Variants in ARID1B observed in about 807,000 individuals in gnomAD.
ARID1B encodes AT-rich interaction domain 1B.
ARID1B carries 30 observed loss-of-function variants against 212.3 expected under a neutral mutation model. The observed-to-expected ratio is 0.14, with a 90% CI of 0.11 to 0.19. The LOEUF (loss-of-function observed/expected upper bound fraction) is 0.19, where lower values mean the gene tolerates loss of function less well. Among genes scored for constraint, ARID1B ranks in the 10% least tolerant of loss-of-function variants. The probability of loss-of-function intolerance (pLI) is 1.00; values close to 1 mark genes in which losing one functional copy is unlikely to be tolerated. For synonymous variants in ARID1B, 1,402 were observed against 1,301.7 expected (o/e 1.08, Z -1.66); for missense variants, 2,891 against 3,204.0 (o/e 0.90, Z 2.36).
At chr6:156,776,237 T>C (rs1475089455), upstream of ARID1B, 1 of 152,150 alleles carries the variant, frequency 6.6e-6, no homozygotes, top group African/African-American at 2.4e-5. Context: ...TTTTAAAATG[T>C]TACTAGGGGA....
intron 2 of ARID1B, chr6:156,871,710 G>A (rs1786149535): frequency 1.3e-6 from 2 of 1,579,750 alleles, no homozygotes; most frequent in South Asian, 1.1e-5. Flanking sequence ...GCATATGACA[G>A]TGGGGGCAGC....
intron 4 of ARID1B, chr6:156,941,128 A>G (rs907474834): frequency 1.3e-5 from 2 of 152,230 alleles, no homozygotes; most frequent in Non-Finnish European, 1.5e-5. Context: ...CTCAGTGTTC[A>G]GGCATGGATG....
At chr6:156,843,402 G>T (rs1054231329) in intron 2 of ARID1B, among the ~76,000 whole-genome samples, 1 of 152,168 alleles carries the variant, frequency 6.6e-6, no homozygotes, top group South Asian at 2.1e-4. Context: ...TATTTTCAAT[G>T]TCTACAGTTG....
intron 5 of ARID1B, among the ~76,000 whole-genome samples, chr6:157,103,705 A>C (rs1206350151): frequency 6.6e-6 from 1 of 152,170 alleles, no homozygotes; most frequent in Non-Finnish European, 1.5e-5. Context: ...AAATTCTCCC[A>C]AAACTTCTCC....
chr6:156,798,169 C>T (rs1329234231), intron 1 of ARID1B, among the ~76,000 whole-genome samples: 3 of 152,152 alleles, frequency 2.0e-5, no homozygotes, highest in Non-Finnish European at 4.4e-5. Context: ...GAGGGTGGAG[C>T]GCCTGCGCCT....
rs960356321 is a variant in ARID1B at position 157,148,508 on chromosome 6, A to G, written c.2762-116A>G. On this transcript the variant is annotated intron_variant, in intron 7 of 19. Transcript: ENST00000636930. This position sits in a 1 kb window ranked among gnomAD's most constrained non-coding sequence, Gnocchi z 5.6. ...GCACCAGCAGCAACAGGAAGGGCCT[A>G]TAACGGTCATGACTAATACTCCGTG... 38 of 1,159,538 alleles carry G rather than the reference A, an allele frequency of 3.3e-5. No individual in the cohort carries two copies. Among genetic ancestry groups the G allele is most frequent in the Non-Finnish European group, 4.4e-5 (37 of 832,868 alleles). 71.8% of individuals were successfully genotyped at this position (1,159,538 alleles called of 1,614,324 possible).
chr6:157,026,479 A>G (rs1780677574), intron 4 of ARID1B, among the ~76,000 whole-genome samples: 1 of 152,072 alleles, frequency 6.6e-6, no homozygotes. Flanking sequence ...GATCAAGAGC[A>G]CTTGGTCTAG....
intron 4 of ARID1B, among the ~76,000 whole-genome samples, chr6:157,008,279 A>T (rs79905754): frequency 0.027 from 4,072 of 152,306 alleles, 260 homozygotes; most frequent in East Asian, 0.25. Flanking sequence ...AAGTCTTTTC[A>T]TCATTCCAGA....
At chr6:157,063,685 T>G (rs1258590628) in intron 4 of ARID1B, among the ~76,000 whole-genome samples, 1 of 152,236 alleles carries the variant, frequency 6.6e-6, no homozygotes, top group Non-Finnish European at 1.5e-5. Context: ...TTCTCAATTT[T>G]ATTGTTATGT....
At chr6:156,839,985 C>T (rs972388860) in intron 2 of ARID1B, among the ~76,000 whole-genome samples, 3 of 152,228 alleles carry the variant, frequency 2.0e-5, no homozygotes, top group Non-Finnish European at 2.9e-5. Context: ...TTCTAAATTT[C>T]GGAGGCAGAA....
intron 7 of ARID1B, among the ~76,000 whole-genome samples, chr6:157,138,490 G>T (rs574988136): frequency 1.3e-4 from 20 of 151,988 alleles, no homozygotes; most frequent in African/African-American, 4.8e-4. Flanking sequence ...CACCCACCTC[G>T]GCCTCCCAAA....
chr6:156,904,539 C>T (rs753755221), intron 3 of ARID1B, among the ~76,000 whole-genome samples: 15 of 152,184 alleles, frequency 9.9e-5, no homozygotes, highest in South Asian at 4.1e-4. Flanking sequence ...ATCTGCATTC[C>T]CAGTGGGTAT....
chr6:157,200,614 T>C lies in ARID1B; in HGVS notation c.4480-91T>C. 1 of 1,408,836 alleles carries C rather than the reference T, an allele frequency of 7.1e-7. No homozygotes were observed. The highest frequency in any genetic ancestry group is 1.4e-5 in the South Asian group (1 of 71,924). 87.3% of individuals were successfully genotyped at this position (1,408,836 alleles called of 1,614,324 possible). A position where few individuals can be genotyped will look rare whatever the true frequency, so the allele number is the denominator to read the frequency against. ...CCCATATTCATTTTGAAATGAACAT[T>C]CTAGCAGGTAATAACTATTTTGCAT... On this transcript the variant is annotated intron_variant, in intron 17 of 19. Transcript: ENST00000636930. This position sits in a 1 kb window ranked among gnomAD's most constrained non-coding sequence, Gnocchi z 4.3.
At chr6:156,990,859 A>G (rs957918036) in intron 4 of ARID1B, among the ~76,000 whole-genome samples, 2 of 152,208 alleles carry the variant, frequency 1.3e-5, no homozygotes, top group Admixed American at 6.5e-5. Context: ...GCATTTACTA[A>G]CAAATTAAGT....
Position 157,201,415 on chromosome 6 carries a change from C to G in ARID1B, c.5190C>G (p.Thr1730=). The G allele has an allele frequency of 6.3e-7, 1 of 1,574,976 alleles. No homozygotes were observed. The highest frequency in any genetic ancestry group is 8.6e-7 in the Non-Finnish European group (1 of 1,156,862). The change falls in exon 18 of 20, where the codon ACC becomes ACG. Residue 1730 remains threonine (T), a synonymous_variant. Coordinates refer to ENST00000636930, the MANE Select transcript of ARID1B (RefSeq NM_001374828.1). The surrounding 1 kb of genome is among the most constrained non-coding windows in gnomAD (Gnocchi z 5.2). ...CACCCCCAATCAGAAGGGAGATCACCTTTCCTCCTGGCTCAGTAGAAGCAT... is the reference window on the plus strand; with the variant it reads ...CACCCCCAATCAGAAGGGAGATCACGTTTCCTCCTGGCTCAGTAGAAGCAT... ...PQPPPIRREI[T]FPPGSVEASQ...
At chr6:157,117,219 A>G (rs1029740695) in intron 6 of ARID1B, among the ~76,000 whole-genome samples, 1 of 152,220 alleles carries the variant, frequency 6.6e-6, no homozygotes, top group African/African-American at 2.4e-5. Context: ...AAATTTCTAT[A>G]CTTCAAAAGT....
In ARID1B at chr6:157,148,771, C is replaced by T. The variant is rs1057521656; in HGVS notation, c.2909C>T (p.Pro970Leu). 2 of 1,613,120 alleles carry T rather than the reference C, an allele frequency of 1.2e-6. No individual in the cohort carries two copies. The highest frequency in any genetic ancestry group is 1.7e-5 in the Admixed American group (1 of 60,012). Residue 970 changes from proline (P) to leucine (L), a missense_variant, in exon 8 of 20, where the codon CCA (proline) becomes CTA (leucine). Pro to Leu is a moderately conservative substitution (Grantham distance 98). Transcript: ENST00000636930. This position sits in a 1 kb window ranked among gnomAD's most constrained non-coding sequence, Gnocchi z 5.6. ...GGTGCTGTGCCCCTGGGACGAATGC[C>T]ATCAGCTGGGATGCAGAACAGACCA... ...PCGAVPLGRM[P>L]SAGMQNRPFP...
chr6:157,198,660 C>T, intron 16 of ARID1B, 151 bp from the exon 17 acceptor site: 3 of 597,736 alleles, frequency 5.0e-6, no homozygotes, highest in South Asian at 4.7e-5. Context: ...TGGCGTGCAG[C>T]TGCCTCTCAG....
intron 4 of ARID1B, among the ~76,000 whole-genome samples, chr6:157,084,139 C>CT (rs1210248192): frequency 3.4e-5 from 5 of 149,142 alleles, no homozygotes; most frequent in Non-Finnish European, 6.0e-5. Flanking sequence ...CATCACCTCC[C>CT]CCCCAAAAAA....
Sources: gnomAD v4.1 joint callset for allele counts (sites outside exome capture counted in the v4.1 genomes callset) on GRCh38, gnomAD v4.1.1 for gene constraint, Gnocchi (gnomAD v3.1) non-coding constraint, MANE v1.5 for transcripts, NCBI Gene and HGNC (gene_info 2026-07-23, HGNC 2026-07-21) for gene names.